The following KANK1 variants were observed in gnomAD, a reference collection of about 807,000 sequenced individuals.
The protein encoded by KANK1 is KN motif and ankyrin repeat domains 1.
KANK1 carries 109 observed loss-of-function variants against 106.2 expected under a neutral mutation model. The observed-to-expected ratio is 1.03, with a 90% confidence interval of 0.88 to 1.20. KANK1 has a LOEUF of 1.20. Ranked by LOEUF, KANK1 falls within the 50% of genes most tolerant of loss-of-function variation. The pLI, the probability that KANK1 is intolerant of heterozygous loss-of-function variation, is 0.00. For synonymous variants in KANK1, 873 were observed against 652.2 expected (o/e 1.34, Z -5.16); for missense variants, 2,399 against 1,710.7 (o/e 1.40, Z -7.10).
chr9:633,972 TCCAAGAAAA>T (rs1836447858), intron 1 of KANK1, among the ~76,000 whole-genome samples: 1 of 152,174 alleles, frequency 6.6e-6, no homozygotes, highest in Non-Finnish European at 1.5e-5. Context: ...CAAGTCAAAA[TCCAAGAAAA>T]CCTTGAAACA....
At chr9:707,267 C>T (rs1035138474) in intron 2 of KANK1, 12 of 979,780 alleles carry the variant, frequency 1.2e-5, no homozygotes, top group African/African-American at 8.7e-5. Context: ...CTGCGAGCGG[C>T]GTGGGGCGGC....
In KANK1 at chr9:677,017, T is replaced by G; in HGVS notation, c.37+8T>G. ...TTAACGGCAGTGCCTCAGGTAACCC[T>G]GTGCTCTGGAGTTTGTGTGTTAAAT... On this transcript the variant is annotated splice_region_variant and intron_variant, in intron 2 of 11. Transcript: ENST00000382297. The G allele has an allele frequency of 6.2e-7, 1 of 1,612,974 alleles. No individual in the cohort carries two copies. The highest frequency in any genetic ancestry group is 8.5e-7 in the Non-Finnish European group (1 of 1,179,126).
intron 1 of KANK1, among the ~76,000 whole-genome samples, chr9:591,864 A>G (rs1159214546): frequency 6.6e-6 from 1 of 151,610 alleles, no homozygotes; most frequent in Non-Finnish European, 1.5e-5. Flanking sequence ...TCACCGTGTT[A>G]GCCAGGCTGA....
chr9:636,553 A>C (rs555420212), intron 1 of KANK1, among the ~76,000 whole-genome samples: 2 of 152,190 alleles, frequency 1.3e-5, no homozygotes, highest in Non-Finnish European at 2.9e-5. Flanking sequence ...CTTGCTGGGC[A>C]TTCTGTCCTG....
intron 10 of KANK1, 71 bp downstream of exon 10, chr9:742,476 T>C (rs907595984): frequency 7.7e-7 from 1 of 1,291,100 alleles, no homozygotes; most frequent in African/African-American, 1.5e-5. Flanking sequence ...GGGAGTGCCT[T>C]TTGGCCAGGA....
intron 1 of KANK1, among the ~76,000 whole-genome samples, chr9:559,593 T>G (rs540108762): frequency 2.0e-5 from 3 of 152,328 alleles, no homozygotes; most frequent in South Asian, 4.1e-4. Context: ...AAAATGTAAG[T>G]GCATAATAAT....
At chr9:522,535 G>A (rs546438749) in intron 1 of KANK1, among the ~76,000 whole-genome samples, 2 of 151,724 alleles carry the variant, frequency 1.3e-5, no homozygotes, top group East Asian at 1.9e-4. Flanking sequence ...TTCTTTTTGA[G>A]CCCTTTTGCT....
chr9:500,989 C>T (rs529926274), upstream of KANK1, among the ~76,000 whole-genome samples: 1 of 152,176 alleles, frequency 6.6e-6, no homozygotes, highest in African/African-American at 2.4e-5. Context: ...TGACTTTCTT[C>T]CTCCAAAGCT....
At chr9:551,817 G>A (rs967823200) in intron 1 of KANK1, among the ~76,000 whole-genome samples, 32 of 152,078 alleles carry the variant, frequency 2.1e-4, no homozygotes, top group African/African-American at 7.2e-4. Context: ...AGAGGCCAAG[G>A]CAGGAGGATT....
chr9:614,145 C>G (rs1412318850), intron 1 of KANK1, among the ~76,000 whole-genome samples: 1 of 152,180 alleles, frequency 6.6e-6, no homozygotes, highest in Non-Finnish European at 1.5e-5. Flanking sequence ...TGTTTCTGAA[C>G]TTTCAGTCCG....
At chr9:557,391 C>T (rs973829647) in intron 1 of KANK1, among the ~76,000 whole-genome samples, 4 of 151,996 alleles carry the variant, frequency 2.6e-5, no homozygotes, top group African/African-American at 7.3e-5. Flanking sequence ...ATATAGTATT[C>T]TCTTTTGTGT....
chr9:591,723 C>G (rs144211864), intron 1 of KANK1, among the ~76,000 whole-genome samples: 1 of 151,896 alleles, frequency 6.6e-6, no homozygotes, highest in African/African-American at 2.4e-5. Context: ...GTGGTGCGAT[C>G]TTGGCTCACT....
chr9:687,017 C>A, intron 2 of KANK1: 1 of 686,848 alleles, frequency 1.5e-6, no homozygotes, highest in Non-Finnish European at 1.7e-6. Flanking sequence ...GCAGATACTG[C>A]TGAATTTCTT....
intron 1 of KANK1, among the ~76,000 whole-genome samples, chr9:519,966 C>G (rs1353503601): frequency 6.6e-6 from 1 of 151,762 alleles, no homozygotes; most frequent in Non-Finnish European, 1.5e-5. Flanking sequence ...TGCTCAGTGA[C>G]TTAAAACAAT....
chr9:543,084 C>G (rs987115166), intron 1 of KANK1, among the ~76,000 whole-genome samples: 1 of 152,134 alleles, frequency 6.6e-6, no homozygotes, highest in Non-Finnish European at 1.5e-5. Context: ...GATTTAATTT[C>G]ACGAGGTCTA....
intron 1 of KANK1, among the ~76,000 whole-genome samples, chr9:665,839 G>A (rs1425241658): frequency 6.6e-6 from 1 of 152,062 alleles, no homozygotes; most frequent in Non-Finnish European, 1.5e-5. Context: ...TATTTAATCA[G>A]TTTTTTATAG....
intron 3 of KANK1, among the ~76,000 whole-genome samples, chr9:713,776 A>G (rs1479139988): frequency 1.3e-5 from 2 of 151,586 alleles, no homozygotes; most frequent in East Asian, 1.9e-4. Flanking sequence ...TTTGTCTTTC[A>G]GTTATTTACT....
intron 1 of KANK1, among the ~76,000 whole-genome samples, chr9:621,022 T>G (rs577049639): frequency 2.0e-4 from 31 of 152,264 alleles, no homozygotes; most frequent in Admixed American, 1.5e-3. Context: ...CTGATCTAAA[T>G]TCTTTTTTAG....
chr9:630,667 C>G lies in KANK1; in HGVS notation c.-83-46223C>G, dbSNP rs562973785. Among the ~76,000 whole-genome samples, 45 of 152,146 alleles carry G rather than the reference C, an allele frequency of 3.0e-4. No individual in the cohort carries two copies. The Middle Eastern group carries it at 0.01, about 35-fold the overall frequency. ...CTGTAATCCCAGCACTTTGGGAGGC[C>G]AAGGCGGTCAGATCACCTGAGGTCA... On this transcript the variant is annotated intron_variant, in intron 1 of 11. Coordinates refer to ENST00000382297, the MANE Select transcript of KANK1 (RefSeq NM_015158.5).
Sources: gnomAD v4.1 joint callset for allele counts (sites outside exome capture counted in the v4.1 genomes callset) on GRCh38, gnomAD v4.1.1 for gene constraint, MANE v1.5 for transcripts, NCBI Gene and HGNC (gene_info 2026-07-23, HGNC 2026-07-21) for gene names.